The following GNB4 variants were observed in gnomAD, a reference collection of about 807,000 sequenced individuals.
GNB4 encodes guanine nucleotide-binding protein subunit beta-4.
GNB4 carries 28 observed loss-of-function variants against 45.2 expected under a neutral mutation model. The observed-to-expected ratio is 0.62, with a 90% CI of 0.46 to 0.85. The LOEUF is 0.85. Ranked by LOEUF, GNB4 falls within the 40% of genes least tolerant of loss-of-function variation. The probability of loss-of-function intolerance (pLI) is 0.00; values close to 1 mark genes in which losing one functional copy is unlikely to be tolerated. For synonymous variants in GNB4, 132 were observed against 143.7 expected (o/e 0.92, Z 0.58); for missense variants, 321 against 425.4 (o/e 0.75, Z 2.16).
chr3:179,420,304 T>G (rs12497946), intron 3 of GNB4, among the ~76,000 whole-genome samples: 28,451 of 138,314 alleles, frequency 0.21, 3,117 homozygotes, highest in Admixed American at 0.26. Context: ...AACTTTCATG[T>G]TTTTTTTTTT....
At chr3:179,519,123 C>T in the GNB4 span, among the ~76,000 whole-genome samples, 1 of 152,220 alleles carries the variant, frequency 6.6e-6, no homozygotes, top group Non-Finnish European at 1.5e-5. Context: ...CCTGCCTCTC[C>T]CAGGAGCTTG....
chr3:179,453,997 A>G (rs368275905), upstream of GNB4, among the ~76,000 whole-genome samples: 2 of 152,252 alleles, frequency 1.3e-5, no homozygotes, highest in Non-Finnish European at 2.9e-5. Context: ...GATTTTTCCA[A>G]TGATAATGAA....
Position 179,426,095 on chromosome 3 carries a change from A to T in GNB4, c.57+49T>A, listed in dbSNP as rs779829142. 2.1e-6 allele frequency: 3 copies of T among 1,454,524 alleles called. No individual in the cohort carries two copies. The Admixed American group carries it at 5.9e-5, about 29-fold the overall frequency. The allele number at this position is 1,454,524 out of a possible 1,614,324, so 90.1% of individuals were successfully genotyped here. A position where few individuals can be genotyped will look rare whatever the true frequency, so the allele number is the denominator to read the frequency against. On this transcript the variant is annotated intron_variant, in intron 2 of 9. Transcript: ENST00000232564. ...ATAAACTAATAGGCAAATTTTGTAGATTCCTGGTACTAAATAAGTGCTAAC... is the reference window on the plus strand; with the variant it reads ...ATAAACTAATAGGCAAATTTTGTAGTTTCCTGGTACTAAATAAGTGCTAAC...
chr3:179,468,035 A>AAAAAATATATATATATATATAT, the GNB4 span, among the ~76,000 whole-genome samples: 61 of 89,864 alleles, frequency 6.8e-4, 3 homozygotes, highest in African/African-American at 2.3e-3. Context: ...TGTTGATAAA[A>AAAAAATATATATATATATATAT]ATATATATAT....
At chr3:179,419,585 TAAA>T (rs553245230) in intron 3 of GNB4, 80 bp from the exon 4 acceptor site, 23 of 867,334 alleles carry the variant, frequency 2.7e-5, no homozygotes, top group Admixed American at 5.7e-5. Flanking sequence ...AGTGAGGAGT[TAAA>T]AAAGCAAACA....
the GNB4 span, among the ~76,000 whole-genome samples, chr3:179,518,021 C>A: frequency 1.3e-5 from 2 of 151,910 alleles, no homozygotes; most frequent in African/African-American, 2.4e-5. Context: ...GGGGGGCAAG[C>A]ACCCCCCATC....
chr3:179,462,590 G>A, the GNB4 span, among the ~76,000 whole-genome samples: 1 of 152,166 alleles, frequency 6.6e-6, no homozygotes, highest in South Asian at 2.1e-4. Flanking sequence ...TGTAATCCTA[G>A]CACTTTGGGA....
At chr3:179,471,592 T>C in the GNB4 span, among the ~76,000 whole-genome samples, 7 of 152,330 alleles carry the variant, frequency 4.6e-5, no homozygotes, top group South Asian at 1.5e-3. Flanking sequence ...CCATCTAGGT[T>C]TGTGTAAGTA....
At chr3:179,435,946 C>T (rs1250829423) in intron 1 of GNB4, among the ~76,000 whole-genome samples, 2 of 152,166 alleles carry the variant, frequency 1.3e-5, no homozygotes, top group African/African-American at 4.8e-5. Flanking sequence ...TGAAGCAAGG[C>T]ATTATGCAGG....
chr3:179,429,500 T>C (rs1048849422), intron 1 of GNB4, among the ~76,000 whole-genome samples: 1 of 152,164 alleles, frequency 6.6e-6, no homozygotes, highest in Non-Finnish European at 1.5e-5. Context: ...GATATAGGGT[T>C]CAGAAGAAAA....
the GNB4 span, among the ~76,000 whole-genome samples, chr3:179,468,789 G>GA: frequency 6.6e-6 from 1 of 152,142 alleles, no homozygotes; most frequent in Non-Finnish European, 1.5e-5. Context: ...TCTCTCGTGG[G>GA]AAAAAATTTA....
the GNB4 span, among the ~76,000 whole-genome samples, chr3:179,522,407 C>T: frequency 1.1e-4 from 17 of 152,238 alleles, no homozygotes; most frequent in African/African-American, 4.1e-4. Context: ...CTCAGCCCGC[C>T]TGCACCCAGT....
Position 179,413,411 on chromosome 3 carries a change from C to T in GNB4, c.699+1G>A. 1.2e-6 allele frequency: 2 copies of T among 1,607,988 alleles called. No individual in the cohort carries two copies. Among genetic ancestry groups the T allele is most frequent in the Non-Finnish European group, 1.7e-6 (2 of 1,174,402 alleles). On this transcript the variant is annotated splice_donor_variant, in intron 8 of 9. Coordinates refer to ENST00000232564, the MANE Select transcript of GNB4 (RefSeq NM_021629.4). LOFTEE classifies it high-confidence loss of function. ...TTTCTCTAGAAATGCTATTCACTTA[C>T]ACTGACAGCATTGATATCTGAGACA...
At chr3:179,488,999 AAAAAAAAAAAAAAAAAAAAAATAT>A in the GNB4 span, among the ~76,000 whole-genome samples, 2 of 30,556 alleles carry the variant, frequency 6.5e-5, no homozygotes, top group African/African-American at 3.7e-4. Context: ...AAAAAAAAAA[AAAAAAAAAAAAAAAAAAAAAATAT>A]ATATATATAT....
At chr3:179,464,739 C>A in the GNB4 span, 1 of 1,117,858 alleles carries the variant, frequency 8.9e-7, no homozygotes, top group Non-Finnish European at 1.4e-6. Flanking sequence ...CCTCCTTGTT[C>A]AGCTGCCTCT....
chr3:179,410,111 G>C (rs965986388), intron 8 of GNB4, among the ~76,000 whole-genome samples: 2 of 152,234 alleles, frequency 1.3e-5, no homozygotes, highest in African/African-American at 4.8e-5. Context: ...CACCATGATT[G>C]TAAGTTTCCT....
the GNB4 span, among the ~76,000 whole-genome samples, chr3:179,508,932 G>GTGTGTGTGTATATATATATATATA: frequency 9.8e-6 from 1 of 102,178 alleles, no homozygotes; most frequent in African/African-American, 4.6e-5. Context: ...TTCAGCATGT[G>GTGTGTGTGTATATATATATATATA]TATATATATA....
chr3:179,448,078 G>A (rs1715782913), intron 1 of GNB4, among the ~76,000 whole-genome samples: 2 of 152,246 alleles, frequency 1.3e-5, no homozygotes, highest in Non-Finnish European at 2.9e-5. Flanking sequence ...TGGAGTAGGA[G>A]GGATAATGTG....
the GNB4 span, among the ~76,000 whole-genome samples, chr3:179,458,771 A>C: frequency 1.3e-5 from 2 of 152,224 alleles, no homozygotes; most frequent in East Asian, 3.9e-4. Flanking sequence ...TATTATTTTT[A>C]ATTTTTTTCA....
Sources: gnomAD v4.1 joint callset for allele counts (sites outside exome capture counted in the v4.1 genomes callset) on GRCh38, gnomAD v4.1.1 for gene constraint, MANE v1.5 for transcripts, NCBI Gene and HGNC (gene_info 2026-07-23, HGNC 2026-07-21) for gene names.